Variants in NRXN1 observed in about 807,000 individuals in gnomAD.
NRXN1 encodes the protein neurexin-1.
Under a neutral mutation model 150.9 loss-of-function variants are expected in NRXN1, and 39 were observed. That is an observed-to-expected ratio of 0.26 (90% CI 0.20 to 0.34). The LOEUF is 0.34. NRXN1 is among the 10% of genes least tolerant of loss of function. The pLI, the probability that NRXN1 is intolerant of heterozygous loss-of-function variation, is 1.00. For synonymous variants in NRXN1, 924 were observed against 757.0 expected, an observed-to-expected ratio of 1.22 and a Z score of -3.62; for missense variants, 1,815 against 1,949.9, an observed-to-expected ratio of 0.93 and a Z score of 1.30.
intron 18 of NRXN1, among the ~76,000 whole-genome samples, chr2:50,189,738 A>C (rs1206969574): frequency 1.3e-5 from 2 of 152,170 alleles, no homozygotes; most frequent in Non-Finnish European, 2.9e-5. Flanking sequence ...ACTACACCGA[A>C]GCTTAAACAC....
intron 5 of NRXN1, among the ~76,000 whole-genome samples, chr2:50,761,838 C>A (rs1701838385): frequency 6.6e-6 from 1 of 151,890 alleles, no homozygotes; most frequent in African/African-American, 2.4e-5. Context: ...GCTGAGTCTT[C>A]TGGCCTCCAT....
chr2:50,269,599 T>C (rs1295489642), intron 17 of NRXN1, among the ~76,000 whole-genome samples: 1 of 152,212 alleles, frequency 6.6e-6, no homozygotes, highest in Non-Finnish European at 1.5e-5. Flanking sequence ...AACATTAATT[T>C]TATAGCTAGA....
chr2:50,703,903 G>C (rs902180101), intron 5 of NRXN1, among the ~76,000 whole-genome samples: 11 of 152,114 alleles, frequency 7.2e-5, no homozygotes, highest in African/African-American at 2.4e-4. Context: ...CGTGGTAAAG[G>C]CAAGATTCAT....
chr2:50,891,461 G>C (rs968613634), intron 5 of NRXN1, among the ~76,000 whole-genome samples: 1 of 151,878 alleles, frequency 6.6e-6, no homozygotes, highest in Non-Finnish European at 1.5e-5. Flanking sequence ...AAATATACAC[G>C]AGTATTTTAT....
intron 18 of NRXN1, among the ~76,000 whole-genome samples, chr2:50,129,684 A>T (rs1174023667): frequency 6.6e-6 from 1 of 152,198 alleles, no homozygotes; most frequent in African/African-American, 2.4e-5. Flanking sequence ...GGTTCCTTTA[A>T]AAAAGGCAAT....
At chr2:51,011,703 AG>A (rs1667901466) in intron 2 of NRXN1, among the ~76,000 whole-genome samples, 1 of 152,044 alleles carries the variant, frequency 6.6e-6, no homozygotes, top group African/African-American at 2.4e-5. Context: ...GTAAGAAATG[AG>A]TCTGGATAAG....
At chr2:51,004,176 A>G (rs1700418840) in intron 2 of NRXN1, among the ~76,000 whole-genome samples, 1 of 151,996 alleles carries the variant, frequency 6.6e-6, no homozygotes, top group Admixed American at 6.6e-5. Context: ...GATGCTGGAC[A>G]GATACTAAGC....
rs1558620109 is a variant in NRXN1 at position 50,373,661 on chromosome 2, A to AGAAG, written c.3364+91780_3364+91781insCTTC. ...AAGAAAGAAAGAAAGAAAGAAAGAAAGAAAGAAAGAAAGAAAGAAAAGAAA... is the reference window on the plus strand; with the variant it reads ...AAGAAAGAAAGAAAGAAAGAAAGAAAGAAGGAAAGAAAGAAAGAAAGAAAAGAAA... On this transcript the variant is annotated intron_variant, in intron 17 of 22. Transcript: ENST00000401669. Among the ~76,000 whole-genome samples, 37 of 103,442 alleles carry AGAAG rather than the reference A, an allele frequency of 3.6e-4. 2 individuals carry two copies. The East Asian group carries it at 0.017, about 46-fold the overall frequency. 67.9% of individuals were successfully genotyped at this position (103,442 alleles called of 152,430 possible). A position where few individuals can be genotyped will look rare whatever the true frequency, so the allele number is the denominator to read the frequency against.
chr2:50,191,205 G>GT (rs59678295), intron 18 of NRXN1, among the ~76,000 whole-genome samples: 30,096 of 131,436 alleles, frequency 0.23, 3,760 homozygotes, highest in Non-Finnish European at 0.29. Context: ...ATTGTTTTTT[G>GT]TTTTTTTTTT....
At chr2:49,946,355 T>C (rs888950905) in intron 21 of NRXN1, among the ~76,000 whole-genome samples, 1 of 152,192 alleles carries the variant, frequency 6.6e-6, no homozygotes, top group East Asian at 1.9e-4. Context: ...ATTCTGATGA[T>C]AGTTTCTTTT....
chr2:50,017,916 C>T (rs1485941598), intron 21 of NRXN1, among the ~76,000 whole-genome samples: 1 of 152,126 alleles, frequency 6.6e-6, no homozygotes, highest in East Asian at 1.9e-4. Context: ...TATTAATTTT[C>T]AGGATCTTTT....
chr2:50,084,362 G>A (rs1439730611), intron 19 of NRXN1, among the ~76,000 whole-genome samples: 1 of 152,164 alleles, frequency 6.6e-6, no homozygotes, highest in East Asian at 1.9e-4. Context: ...CCGCAGGGAG[G>A]CAGCTAAAGC....
chr2:50,470,681 A>C (rs749614695), intron 16 of NRXN1, among the ~76,000 whole-genome samples: 4 of 151,718 alleles, frequency 2.6e-5, no homozygotes, highest in Non-Finnish European at 5.9e-5. Flanking sequence ...TAAATCTAAA[A>C]TTTTCAAAAT....
At chr2:50,416,581 G>A (rs1237181466) in intron 17 of NRXN1, among the ~76,000 whole-genome samples, 1 of 152,090 alleles carries the variant, frequency 6.6e-6, no homozygotes, top group Non-Finnish European at 1.5e-5. Context: ...AAATGCCCAA[G>A]ACTGGGTAAT....
chr2:50,338,874 T>C (rs1164177887), intron 17 of NRXN1, among the ~76,000 whole-genome samples: 1 of 152,210 alleles, frequency 6.6e-6, no homozygotes, highest in African/African-American at 2.4e-5. Flanking sequence ...GCTCTGTAAC[T>C]ATCCACACTT....
chr2:50,952,851 T>A (rs1024423543), intron 2 of NRXN1, among the ~76,000 whole-genome samples: 5 of 152,190 alleles, frequency 3.3e-5, no homozygotes, highest in African/African-American at 1.2e-4. Context: ...TTTACATACG[T>A]TGCCATTTTA....
At chr2:50,117,828 A>G (rs1361148997) in intron 18 of NRXN1, among the ~76,000 whole-genome samples, 11 of 152,010 alleles carry the variant, frequency 7.2e-5, no homozygotes, top group Non-Finnish European at 1.3e-4. Flanking sequence ...ACAAAAATAT[A>G]TAAGATAGAT....
chr2:50,787,838 C>T (rs1257004377), intron 5 of NRXN1, among the ~76,000 whole-genome samples: 1 of 151,934 alleles, frequency 6.6e-6, no homozygotes, highest in East Asian at 1.9e-4. Flanking sequence ...CACTGGTGAC[C>T]TGCCCTGAGG....
chr2:50,559,828 T>A (rs1439021363), intron 8 of NRXN1, among the ~76,000 whole-genome samples: 2 of 152,148 alleles, frequency 1.3e-5, no homozygotes, highest in Admixed American at 6.5e-5. Flanking sequence ...TTTCAAAAAA[T>A]TAGAAATTTG....
Sources: allele counts gnomAD v4.1 joint callset (sites outside exome capture counted in the v4.1 genomes callset), GRCh38; gene constraint gnomAD v4.1.1; transcripts MANE v1.5; gene names NCBI Gene and HGNC (gene_info 2026-07-23, HGNC 2026-07-21).